BMPR1B: variants seen among roughly 807,000 people sequenced by gnomAD.
BMPR1B encodes the protein bone morphogenetic protein receptor type-1B.
BMPR1B carries 12 observed loss-of-function variants against 59.1 expected under a neutral mutation model. The observed-to-expected ratio is 0.20, with a 90% confidence interval of 0.13 to 0.33. The LOEUF is 0.33. Ranked by LOEUF, BMPR1B falls within the 10% of genes least tolerant of loss-of-function variation. BMPR1B has a pLI of 1.00. For missense variants in BMPR1B, 550 were observed against 610.9 expected (o/e 0.90, Z 1.05); for synonymous variants, 237 against 207.3 (o/e 1.14, Z -1.23).
chr4:94,976,538 C>A (rs2149082806), intron 2 of BMPR1B, among the ~76,000 whole-genome samples: 1 of 152,336 alleles, frequency 6.6e-6, no homozygotes, highest in South Asian at 2.1e-4. Context: ...CCCCCCATGT[C>A]TTATTCCATT....
intron 2 of BMPR1B, among the ~76,000 whole-genome samples, chr4:94,910,644 A>G (rs1728236880): frequency 1.3e-5 from 2 of 152,138 alleles, no homozygotes; most frequent in Non-Finnish European, 1.5e-5. Flanking sequence ...ATGGTGGCTT[A>G]TGCCTGTAAT....
chr4:94,820,978 G>A (rs1434294062), intron 1 of BMPR1B, among the ~76,000 whole-genome samples: 1 of 152,076 alleles, frequency 6.6e-6, no homozygotes, highest in African/African-American at 2.4e-5. Flanking sequence ...GCTGTGACAG[G>A]GCATGCCATT....
intron 1 of BMPR1B, among the ~76,000 whole-genome samples, chr4:94,810,899 G>A (rs1054453198): frequency 6.6e-6 from 1 of 152,176 alleles, no homozygotes; most frequent in Non-Finnish European, 1.5e-5. Flanking sequence ...TCAGTCATGT[G>A]TGCGTGTGTG....
chr4:94,799,146 G>T (rs1372013931), intron 1 of BMPR1B, among the ~76,000 whole-genome samples: 1 of 147,980 alleles, frequency 6.8e-6, no homozygotes, highest in Non-Finnish European at 1.5e-5. Context: ...TTTCAATGCA[G>T]CCTCCCCCTC....
intron 1 of BMPR1B, among the ~76,000 whole-genome samples, chr4:94,789,728 A>T (rs758768605): frequency 1.3e-4 from 20 of 152,208 alleles, no homozygotes; most frequent in Admixed American, 2.6e-4. Context: ...AATTCCAACA[A>T]TGCAAAAACC....
chr4:94,920,993 A>G (rs1294939642), intron 2 of BMPR1B, among the ~76,000 whole-genome samples: 3 of 152,152 alleles, frequency 2.0e-5, no homozygotes, highest in African/African-American at 7.2e-5. Context: ...AAGATTAAGG[A>G]AGTATGTTTT....
At chr4:94,826,642 G>A (rs1724394001) in intron 1 of BMPR1B, among the ~76,000 whole-genome samples, 1 of 143,470 alleles carries the variant, frequency 7.0e-6, no homozygotes, top group Admixed American at 6.9e-5. Flanking sequence ...AGGAACATCT[G>A]GAATGTTCTA....
At chr4:95,082,510 A>C (rs1156390473) in intron 3 of BMPR1B, among the ~76,000 whole-genome samples, 1 of 152,088 alleles carries the variant, frequency 6.6e-6, no homozygotes, top group African/African-American at 2.4e-5. Context: ...TACATTAAAT[A>C]AGATTTCTAA....
At chr4:94,930,337 C>T (rs1729052220) in intron 2 of BMPR1B, among the ~76,000 whole-genome samples, 1 of 152,092 alleles carries the variant, frequency 6.6e-6, no homozygotes, top group African/African-American at 2.4e-5. Flanking sequence ...CAGTGGTCTT[C>T]AGAACCTAGC....
intron 2 of BMPR1B, among the ~76,000 whole-genome samples, chr4:94,933,043 C>T (rs569475277): frequency 1.1e-4 from 16 of 152,178 alleles, no homozygotes; most frequent in African/African-American, 3.9e-4. Flanking sequence ...CCTCTGTCAG[C>T]ATCTGGTGTA....
intron 2 of BMPR1B, among the ~76,000 whole-genome samples, chr4:94,892,690 GT>G (rs1266075717): frequency 6.6e-6 from 1 of 152,074 alleles, no homozygotes; most frequent in Non-Finnish European, 1.5e-5. Flanking sequence ...ACAAGCATTT[GT>G]TTAGTGAGAG....
intron 3 of BMPR1B, among the ~76,000 whole-genome samples, chr4:95,008,317 C>CT (rs1330357417): frequency 6.6e-6 from 1 of 152,148 alleles, no homozygotes; most frequent in African/African-American, 2.4e-5. Flanking sequence ...CTTAACCACT[C>CT]TACTTTCCTT....
At chr4:94,875,599 G>A (rs1242154780) in intron 1 of BMPR1B, among the ~76,000 whole-genome samples, 1 of 152,134 alleles carries the variant, frequency 6.6e-6, no homozygotes, top group African/African-American at 2.4e-5. Flanking sequence ...CAGGAGAATG[G>A]TGTGAACCCG....
intron 3 of BMPR1B, among the ~76,000 whole-genome samples, chr4:95,012,256 T>A (rs2149125402): frequency 6.6e-6 from 1 of 152,342 alleles, no homozygotes; most frequent in South Asian, 2.1e-4. Context: ...TTTGCTCTTT[T>A]TTTTCTTAAC....
intron 1 of BMPR1B, among the ~76,000 whole-genome samples, chr4:94,761,311 T>C (rs1188452801): frequency 6.6e-6 from 1 of 152,150 alleles, no homozygotes; most frequent in African/African-American, 2.4e-5. Flanking sequence ...TATTTCTATG[T>C]GGTAGGCATT....
In BMPR1B at chr4:94,992,550, ATGT is replaced by A. The variant is rs536484563; in HGVS notation, c.-112-3485_-112-3483del. Among the ~76,000 whole-genome samples the A allele has an allele frequency of 1.3e-3, 191 of 152,340 alleles. 4 individuals are homozygous for A. Among genetic ancestry groups the A allele is most frequent in the African/African-American group, 4.4e-3 (183 of 41,588 alleles). ...AAGGTAAAAACATAACCATCTGCCA[ATGT>A]TGTTTTTAGTGTTAGAGATAATATT... is the stretch of plus-strand genomic sequence containing the variant. On this transcript the variant is annotated intron_variant, in intron 2 of 12. Transcript: ENST00000515059.
At chr4:94,779,972 A>C (rs967740843) in intron 1 of BMPR1B, among the ~76,000 whole-genome samples, 1 of 151,980 alleles carries the variant, frequency 6.6e-6, no homozygotes, top group Non-Finnish European at 1.5e-5. Context: ...CCTTCCCTTA[A>C]TCTCTATGTT....
intron 3 of BMPR1B, among the ~76,000 whole-genome samples, chr4:95,088,352 TG>T: frequency 6.6e-6 from 1 of 152,102 alleles, no homozygotes; most frequent in Admixed American, 6.5e-5. Flanking sequence ...CTGGCATAGT[TG>T]GGGGTGGGTA....
At chr4:95,029,091 C>A (rs1295293719) in intron 3 of BMPR1B, among the ~76,000 whole-genome samples, 1 of 133,322 alleles carries the variant, frequency 7.5e-6, no homozygotes, top group African/African-American at 2.8e-5. Context: ...TTTTTTATTT[C>A]TTATTTTTTA....
Sources: allele counts gnomAD v4.1 joint callset (sites outside exome capture counted in the v4.1 genomes callset), GRCh38; gene constraint gnomAD v4.1.1; transcripts MANE v1.5; gene names NCBI Gene and HGNC (gene_info 2026-07-23, HGNC 2026-07-21).